EPHB1: variants seen among roughly 807,000 people sequenced by gnomAD.
The protein encoded by EPHB1 is EPH receptor B1, also known as ephrin type-B receptor 1.
EPHB1 carries 30 observed loss-of-function variants against 94.4 expected under a neutral mutation model. That is an observed-to-expected ratio of 0.32 (90% CI 0.24 to 0.43). EPHB1 has a LOEUF of 0.43. Among genes scored for constraint, EPHB1 ranks in the 20% least tolerant of loss-of-function variants. The pLI is 1.00. For synonymous variants in EPHB1, 522 were observed against 489.1 expected (o/e 1.07, Z -0.89); for missense variants, 1,055 against 1,308.3 (o/e 0.81, Z 2.99).
chr3:134,824,111 A>T (rs1036828160), intron 1 of EPHB1, among the ~76,000 whole-genome samples: 1 of 151,482 alleles, frequency 6.6e-6, no homozygotes, highest in African/African-American at 2.4e-5. Context: ...AATGTTTACA[A>T]AAAGGATAAT....
chr3:135,002,241 A>G (rs187984618), intron 3 of EPHB1, among the ~76,000 whole-genome samples: 1 of 152,312 alleles, frequency 6.6e-6, no homozygotes, highest in Admixed American at 6.5e-5. Flanking sequence ...TGATTGAATT[A>G]TGGGGGCATT....
At chr3:134,972,650 A>G (rs1254922079) in intron 3 of EPHB1, among the ~76,000 whole-genome samples, 1 of 151,350 alleles carries the variant, frequency 6.6e-6, no homozygotes, top group Non-Finnish European at 1.5e-5. Flanking sequence ...TCAACAAACA[A>G]GTACTTTTAA....
At chr3:134,914,426 C>A (rs2038521374) in intron 1 of EPHB1, among the ~76,000 whole-genome samples, 1 of 152,206 alleles carries the variant, frequency 6.6e-6, no homozygotes, top group Non-Finnish European at 1.5e-5. Context: ...CCTTAGACGT[C>A]TGAGTAATTT....
intron 13 of EPHB1, among the ~76,000 whole-genome samples, chr3:135,243,088 AAAAAAAGAAAAG>A (rs748086032): frequency 6.5e-5 from 9 of 138,958 alleles, no homozygotes; most frequent in African/African-American, 1.8e-4. Context: ...AAAAAAAAAA[AAAAAAAGAAAAG>A]AAAAGAAAAG....
At chr3:135,040,077 C>G (rs185903664) in intron 3 of EPHB1, among the ~76,000 whole-genome samples, 1 of 152,286 alleles carries the variant, frequency 6.6e-6, no homozygotes, top group Admixed American at 6.5e-5. Context: ...TGTCTGAATT[C>G]CTGACCTGCA....
chr3:134,798,053 G>T (rs1433832997), intron 1 of EPHB1, among the ~76,000 whole-genome samples: 16 of 152,192 alleles, frequency 1.1e-4, no homozygotes, highest in African/African-American at 3.9e-4. Flanking sequence ...TCAGAAAGTG[G>T]ATCAATGAGC....
chr3:134,859,983 A>G (rs1162793451), intron 1 of EPHB1, among the ~76,000 whole-genome samples: 1 of 152,114 alleles, frequency 6.6e-6, no homozygotes, highest in Non-Finnish European at 1.5e-5. Context: ...ATATTTAACT[A>G]TTCCCCAGTT....
chr3:135,088,399 T>C (rs927319892), intron 3 of EPHB1, among the ~76,000 whole-genome samples: 2 of 152,198 alleles, frequency 1.3e-5, no homozygotes, highest in Non-Finnish European at 2.9e-5. Context: ...TATAGTTTCA[T>C]CGAAAAGAAA....
chr3:134,971,656 G>T (rs1318952091), intron 3 of EPHB1, among the ~76,000 whole-genome samples: 1 of 152,170 alleles, frequency 6.6e-6, no homozygotes, highest in Non-Finnish European at 1.5e-5. Context: ...AGGGACACTA[G>T]TCCCTTTAGG....
chr3:135,158,688 A>G (rs1344044015), intron 6 of EPHB1, among the ~76,000 whole-genome samples: 3 of 152,100 alleles, frequency 2.0e-5, no homozygotes, highest in Non-Finnish European at 4.4e-5. Flanking sequence ...AGCCTTTCCC[A>G]TGTTCATCTC....
chr3:135,115,548 A>G (rs947620218), intron 4 of EPHB1, among the ~76,000 whole-genome samples: 3 of 152,070 alleles, frequency 2.0e-5, no homozygotes, highest in Non-Finnish European at 2.9e-5. Flanking sequence ...ACTGGACTGG[A>G]AGCTCTTTGA....
chr3:134,919,071 A>C (rs2038626030), intron 1 of EPHB1, among the ~76,000 whole-genome samples: 1 of 152,204 alleles, frequency 6.6e-6, no homozygotes, highest in Admixed American at 6.5e-5. Flanking sequence ...GAAGCCCTGG[A>C]GTCAGATAGG....
At chr3:135,005,926 GC>G (rs950187596) in intron 3 of EPHB1, among the ~76,000 whole-genome samples, 5 of 152,302 alleles carry the variant, frequency 3.3e-5, no homozygotes, top group African/African-American at 9.6e-5. Flanking sequence ...CTTCTGTGTC[GC>G]TCAGGCTGGG....
chr3:134,956,530 T>C (rs1419555181), intron 3 of EPHB1, among the ~76,000 whole-genome samples: 4 of 151,986 alleles, frequency 2.6e-5, no homozygotes, highest in Non-Finnish European at 5.9e-5. Context: ...TAGGCCTTCA[T>C]TGTCTGGGGC....
chr3:135,249,375 C>A lies in EPHB1; in HGVS notation c.2730C>A (p.Phe910Leu), dbSNP rs774221025. 2 of 1,613,918 alleles carry A rather than the reference C, an allele frequency of 1.2e-6. No homozygotes were observed. The highest frequency in any genetic ancestry group is 4.5e-5 in the East Asian group (2 of 44,882). Residue 910 changes from phenylalanine (F) to leucine (L), a missense_variant, in exon 15 of 16, where the codon TTC becomes TTA. Transcript: ENST00000398015. ...QPLLDRSIPDFTAFTTVDDWL... is the reference protein window; with the variant it reads ...QPLLDRSIPDLTAFTTVDDWL... Reference sequence around the variant, plus strand: ...TGCTCGACCGCTCCATCCCAGACTTCACGGCCTTTACCACCGTGGATGACT... The same window carrying A: ...TGCTCGACCGCTCCATCCCAGACTTAACGGCCTTTACCACCGTGGATGACT...
chr3:134,921,904 G>A (rs1048196486), intron 1 of EPHB1, among the ~76,000 whole-genome samples: 3 of 152,178 alleles, frequency 2.0e-5, no homozygotes, highest in African/African-American at 7.2e-5. Context: ...CAGAGGGACG[G>A]GGGAGGTTGT....
At chr3:134,927,415 C>T (rs1227671101) in intron 2 of EPHB1, among the ~76,000 whole-genome samples, 2 of 152,210 alleles carry the variant, frequency 1.3e-5, no homozygotes, top group Non-Finnish European at 2.9e-5. Flanking sequence ...GGGGCAGAGC[C>T]AGACCACACT....
chr3:135,093,244 A>G (rs1938622012), intron 3 of EPHB1, among the ~76,000 whole-genome samples: 1 of 152,138 alleles, frequency 6.6e-6, no homozygotes, highest in Non-Finnish European at 1.5e-5. Flanking sequence ...CAGAGACATG[A>G]TGGTTCACAG....
intron 1 of EPHB1, among the ~76,000 whole-genome samples, chr3:134,825,902 C>T (rs1440867942): frequency 2.6e-5 from 4 of 152,188 alleles, no homozygotes; most frequent in Non-Finnish European, 5.9e-5. Flanking sequence ...TTTACCATAT[C>T]TGCATTGTTT....
Sources: allele counts gnomAD v4.1 joint callset (sites outside exome capture counted in the v4.1 genomes callset), GRCh38; gene constraint gnomAD v4.1.1; transcripts MANE v1.5; gene names NCBI Gene and HGNC (gene_info 2026-07-23, HGNC 2026-07-21).